The following NTRK3 variants were observed in gnomAD, a reference collection of about 807,000 sequenced individuals.
NTRK3 encodes neurotrophic receptor tyrosine kinase 3.
A neutral mutation model predicts 91.7 loss-of-function variants in NTRK3; 24 were observed. That is an observed-to-expected ratio of 0.26 (90% CI 0.19 to 0.37). The LOEUF (loss-of-function observed/expected upper bound fraction) is 0.37, where lower values mean the gene tolerates loss of function less well. Among genes scored for constraint, NTRK3 ranks in the 10% least tolerant of loss-of-function variants. NTRK3 has a pLI of 1.00. For synonymous variants in NTRK3, 483 were observed against 404.0 expected, an observed-to-expected ratio of 1.20 and a Z score of -2.34; for missense variants, 880 against 1,068.9, an observed-to-expected ratio of 0.82 and a Z score of 2.46.
intron 13 of NTRK3, among the ~76,000 whole-genome samples, chr15:88,036,499 C>T (rs1430573713): frequency 1.3e-5 from 2 of 152,068 alleles, no homozygotes; most frequent in South Asian, 2.1e-4. Context: ...CCTTGCTTGT[C>T]CCCGTCTTAG....
Position 87,866,772 on chromosome 15 carries a change from C to T in NTRK3, c.*10163G>A, listed in dbSNP as rs1596031912. On this transcript the variant is annotated 3_prime_UTR_variant, in exon 19 of 19. Transcript: ENST00000394480. ...GCTTAAGATATAAACCTCTCTGGTG[C>T]CATCACAGAAAAGGTTTCATTTGAT... The T allele has an allele frequency of 3.1e-5, 6 of 192,126 alleles. No individual in the cohort carries two copies. The East Asian group carries it at 4.9e-4, about 16-fold the overall frequency. 11.9% of individuals were successfully genotyped at this position (192,126 alleles called of 1,614,324 possible). A position where few individuals can be genotyped will look rare whatever the true frequency, so the allele number is the denominator to read the frequency against.
At chr15:88,146,425 G>C (rs889267484) in intron 6 of NTRK3, among the ~76,000 whole-genome samples, 3 of 152,206 alleles carry the variant, frequency 2.0e-5, no homozygotes, top group Non-Finnish European at 4.4e-5. Context: ...CACCAAGTAA[G>C]AGGGAACACA....
intron 3 of NTRK3, among the ~76,000 whole-genome samples, chr15:88,232,161 G>A (rs112716778): frequency 7.2e-5 from 11 of 151,974 alleles, no homozygotes; most frequent in African/African-American, 1.9e-4. Flanking sequence ...TGCACCTTCC[G>A]CCTGAAATGT....
chr15:87,935,663 G>C (rs925852459), intron 15 of NTRK3, among the ~76,000 whole-genome samples: 6 of 152,202 alleles, frequency 3.9e-5, no homozygotes, highest in African/African-American at 1.2e-4. Context: ...AGAGGGAAAA[G>C]TAGGTCAAAT....
intron 5 of NTRK3, among the ~76,000 whole-genome samples, chr15:88,183,012 A>ACTTCCCCCCCCCCCCCCCCCCCC (rs749216536): frequency 8.3e-6 from 1 of 119,884 alleles, no homozygotes; most frequent in Non-Finnish European, 1.7e-5. Context: ...TCTTCTTGCA[A>ACTTCCCCCCCCCCCCCCCCCCCC]CCCCCCCCCG....
intron 13 of NTRK3, among the ~76,000 whole-genome samples, chr15:88,104,209 T>G (rs1264894341): frequency 6.6e-6 from 1 of 152,208 alleles, no homozygotes; most frequent in Non-Finnish European, 1.5e-5. Flanking sequence ...ACCTTTGACG[T>G]TGAAAGATGA....
chr15:88,048,428 G>C (rs893020027), intron 13 of NTRK3, among the ~76,000 whole-genome samples: 5 of 152,214 alleles, frequency 3.3e-5, no homozygotes, highest in African/African-American at 1.2e-4. Context: ...AGAGCAATTA[G>C]ACTGACAAGA....
intron 17 of NTRK3, chr15:87,908,707 A>G: frequency 2.5e-6 from 1 of 395,456 alleles, no homozygotes; most frequent in Non-Finnish European, 4.5e-6. Flanking sequence ...TCTCCTGGGC[A>G]GGGCCTCAAA....
intron 14 of NTRK3, among the ~76,000 whole-genome samples, chr15:88,013,630 G>A (rs2077033620): frequency 6.6e-6 from 1 of 152,216 alleles, no homozygotes; most frequent in African/African-American, 2.4e-5. Flanking sequence ...TTCAATGCCA[G>A]TAGGAACTCA....
chr15:88,238,880 C>T (rs142815326), intron 3 of NTRK3, among the ~76,000 whole-genome samples: 1 of 152,344 alleles, frequency 6.6e-6, no homozygotes, highest in East Asian at 1.9e-4. Context: ...GCTCTGGAGT[C>T]AGCCTGGGCT....
At chr15:88,183,559 G>T in intron 4 of NTRK3, 70 bp from the exon 5 acceptor site, 1 of 1,434,438 alleles carries the variant, frequency 7.0e-7, no homozygotes. Context: ...GGCTGAGGCT[G>T]GCAGGGGGTG....
At chr15:87,894,688 C>T (rs1208523562) in intron 17 of NTRK3, among the ~76,000 whole-genome samples, 2 of 152,182 alleles carry the variant, frequency 1.3e-5, no homozygotes, top group Non-Finnish European at 2.9e-5. Flanking sequence ...ATGAACCTTT[C>T]TCACTGCCCC....
intron 13 of NTRK3, among the ~76,000 whole-genome samples, chr15:88,092,536 C>G (rs948139368): frequency 6.6e-6 from 1 of 152,178 alleles, no homozygotes; most frequent in African/African-American, 2.4e-5. Context: ...CCAGACTGGC[C>G]AGAGGTTTGT....
intron 5 of NTRK3, among the ~76,000 whole-genome samples, chr15:88,162,996 A>G (rs895492976): frequency 6.6e-6 from 1 of 152,154 alleles, no homozygotes; most frequent in East Asian, 1.9e-4. Context: ...TACACTTGGT[A>G]TAAGAAGGGC....
At position 88,255,797 on chromosome 15, in the gene NTRK3, G is replaced by A. The variant is rs934948262; in HGVS notation, c.248+109C>T. The A allele has an allele frequency of 1.7e-5, 16 of 921,364 alleles. No homozygotes were observed. The Admixed American group carries it at 4.5e-4, about 26-fold the overall frequency. The allele number at this position is 921,364 out of a possible 1,614,324, so 57.1% of individuals were successfully genotyped here. On this transcript the variant is annotated intron_variant, in intron 3 of 18. Transcript: ENST00000394480. This position sits in a 1 kb window ranked among gnomAD's most constrained non-coding sequence, Gnocchi z 4.3. ...GCCTGACGCGCGCCCAGCGGGCGGC[G>A]GGCAGCGGCGAGCTGGGGCGGGCGG...
At chr15:88,133,351 C>T (rs2041562091) in intron 10 of NTRK3, among the ~76,000 whole-genome samples, 1 of 152,136 alleles carries the variant, frequency 6.6e-6, no homozygotes, top group Admixed American at 6.5e-5. Context: ...TCCACCACAT[C>T]ATCCAACTGC....
At chr15:88,150,861 G>A (rs182761862) in intron 5 of NTRK3, among the ~76,000 whole-genome samples, 179 of 152,274 alleles carry the variant, frequency 1.2e-3, no homozygotes, top group Non-Finnish European at 2.0e-3. Flanking sequence ...TTCTCATAGC[G>A]CAGGGTAAAT....
At chr15:88,062,218 C>T (rs1274391516) in intron 13 of NTRK3, among the ~76,000 whole-genome samples, 1 of 152,122 alleles carries the variant, frequency 6.6e-6, no homozygotes, top group Non-Finnish European at 1.5e-5. Context: ...TGGAACCATT[C>T]CCTCATGAAT....
chr15:88,026,465 G>A (rs1056012506), intron 14 of NTRK3, among the ~76,000 whole-genome samples: 6 of 152,050 alleles, frequency 3.9e-5, no homozygotes, highest in Admixed American at 6.6e-5. Context: ...ATCAGTGGTC[G>A]CCAGGGATTG....
Sources: allele counts gnomAD v4.1 joint callset (sites outside exome capture counted in the v4.1 genomes callset), GRCh38; gene constraint gnomAD v4.1.1; non-coding constraint Gnocchi (gnomAD v3.1); transcripts MANE v1.5; gene names NCBI Gene and HGNC (gene_info 2026-07-23, HGNC 2026-07-21).